The following PARD3B variants were observed in gnomAD, a reference collection of about 807,000 sequenced individuals.
PARD3B encodes par-3 family cell polarity regulator beta.
In PARD3B, 103 loss-of-function variants were observed where a neutral mutation model predicts 130.2. The ratio of observed to expected loss-of-function variants is 0.79; its 90% CI spans 0.67 to 0.93. The LOEUF (loss-of-function observed/expected upper bound fraction) is 0.93, where lower values mean the gene tolerates loss of function less well. Among genes scored for constraint, PARD3B ranks in the 40% least tolerant of loss-of-function variants. The probability of loss-of-function intolerance (pLI) is 0.00; values close to 1 mark genes in which losing one functional copy is unlikely to be tolerated. For synonymous variants in PARD3B, 583 were observed against 553.2 expected, an observed-to-expected ratio of 1.05 and a Z score of -0.76; for missense variants, 1,609 against 1,499.2, an observed-to-expected ratio of 1.07 and a Z score of -1.21.
intron 2 of PARD3B, among the ~76,000 whole-genome samples, chr2:204,854,420 A>C (rs2044836157): frequency 6.6e-6 from 1 of 152,164 alleles, no homozygotes. Flanking sequence ...TCTAGTTTGG[A>C]ATAAGAGGGG....
chr2:204,814,154 T>C (rs904931442), intron 2 of PARD3B, among the ~76,000 whole-genome samples: 2 of 152,024 alleles, frequency 1.3e-5, no homozygotes, highest in Non-Finnish European at 2.9e-5. Flanking sequence ...ATCTCATGTT[T>C]TTAGTGTATA....
At chr2:205,083,844 T>C (rs921205656) in intron 4 of PARD3B, among the ~76,000 whole-genome samples, 3 of 151,964 alleles carry the variant, frequency 2.0e-5, no homozygotes, top group Non-Finnish European at 4.4e-5. Context: ...AACCTCCATG[T>C]ACCCATCAGC....
At chr2:204,698,391 T>G (rs2037718476) in intron 2 of PARD3B, among the ~76,000 whole-genome samples, 1 of 152,144 alleles carries the variant, frequency 6.6e-6, no homozygotes, top group Non-Finnish European at 1.5e-5. Flanking sequence ...AATGAAAGAA[T>G]TACACATCTT....
chr2:205,056,884 AACAC>A (rs770319889), intron 4 of PARD3B, among the ~76,000 whole-genome samples: 8 of 147,258 alleles, frequency 5.4e-5, no homozygotes, highest in South Asian at 2.1e-4. Context: ...AAAGGACACA[AACAC>A]ACACACACAC....
chr2:205,484,593 T>C, intron 20 of PARD3B, among the ~76,000 whole-genome samples: 1 of 152,198 alleles, frequency 6.6e-6, no homozygotes, highest in East Asian at 1.9e-4. Context: ...ACCTCCTGTT[T>C]CTGCAGATAA....
chr2:204,572,408 G>A (rs2032051264), intron 1 of PARD3B, among the ~76,000 whole-genome samples: 1 of 151,978 alleles, frequency 6.6e-6, no homozygotes. Context: ...GGCTGGAGGG[G>A]CTCCATAGCC....
At chr2:204,867,127 C>T (rs1382359326) in intron 2 of PARD3B, among the ~76,000 whole-genome samples, 2 of 152,062 alleles carry the variant, frequency 1.3e-5, no homozygotes, top group Non-Finnish European at 2.9e-5. Context: ...ACAGTGCTTT[C>T]CTACCACTTG....
At chr2:204,871,556 G>C (rs2045630916) in intron 2 of PARD3B, among the ~76,000 whole-genome samples, 1 of 152,092 alleles carries the variant, frequency 6.6e-6, no homozygotes, top group East Asian at 1.9e-4. Flanking sequence ...AACTTGAAGT[G>C]CTAGAAAAGT....
intron 15 of PARD3B, among the ~76,000 whole-genome samples, chr2:205,235,037 G>T (rs2039002204): frequency 6.6e-6 from 1 of 152,156 alleles, no homozygotes; most frequent in Non-Finnish European, 1.5e-5. Context: ...AAGAAAAATT[G>T]TGAGATGTCA....
chr2:205,378,310 G>C (rs2045150950), intron 18 of PARD3B, among the ~76,000 whole-genome samples: 1 of 152,190 alleles, frequency 6.6e-6, no homozygotes, highest in African/African-American at 2.4e-5. Context: ...TGATCTCAGT[G>C]CCCTGAACAG....
intron 19 of PARD3B, among the ~76,000 whole-genome samples, chr2:205,433,978 T>C (rs1161264279): frequency 1.3e-5 from 2 of 152,228 alleles, no homozygotes; most frequent in African/African-American, 4.8e-5. Flanking sequence ...TCTTCGTGGA[T>C]TTTTGGTAAA....
chr2:204,927,623 G>A (rs1343374582), intron 2 of PARD3B, among the ~76,000 whole-genome samples: 3 of 151,978 alleles, frequency 2.0e-5, no homozygotes, highest in Admixed American at 2.0e-4. Context: ...TTAAACTCAT[G>A]TAGTAATGGT....
chr2:205,509,212 T>C (rs1473964857), intron 21 of PARD3B, among the ~76,000 whole-genome samples: 1 of 152,106 alleles, frequency 6.6e-6, no homozygotes, highest in African/African-American at 2.4e-5. Context: ...TAGGAATTGA[T>C]TTTTCCCATA....
intron 2 of PARD3B, among the ~76,000 whole-genome samples, chr2:204,853,505 C>G (rs1420579853): frequency 6.6e-6 from 1 of 152,136 alleles, no homozygotes; most frequent in Non-Finnish European, 1.5e-5. Flanking sequence ...TCTCCACTTT[C>G]ATTATACAGA....
intron 2 of PARD3B, among the ~76,000 whole-genome samples, chr2:204,827,271 T>A (rs1197575648): frequency 6.6e-6 from 1 of 151,982 alleles, no homozygotes; most frequent in African/African-American, 2.4e-5. Context: ...ATTTATAAGT[T>A]TTTGCAAATC....
At chr2:204,859,595 G>A (rs188704887) in intron 2 of PARD3B, among the ~76,000 whole-genome samples, 138 of 152,254 alleles carry the variant, frequency 9.1e-4, no homozygotes, top group Non-Finnish European at 1.4e-3. Context: ...CTTGATTCCT[G>A]ACATTCAGTT....
Position 204,836,491 on chromosome 2 carries a change from C to T in PARD3B, c.223-128661C>T, listed in dbSNP as rs972528662. The stretch of plus-strand genomic sequence containing the variant: ...CACCCTGGGCAACATGGCAAAACCC[C>T]GTCTCTACTAAAAATACAAAAATTA... On this transcript the variant is annotated intron_variant, in intron 2 of 22. Coordinates refer to ENST00000406610, the MANE Select transcript of PARD3B (RefSeq NM_001302769.2). Among the ~76,000 whole-genome samples, 15 of 151,886 alleles carry T rather than the reference C, an allele frequency of 9.9e-5. No individual in the cohort carries two copies. The East Asian group carries it at 1.7e-3, about 18-fold the overall frequency.
intron 2 of PARD3B, among the ~76,000 whole-genome samples, chr2:204,713,738 C>T (rs930971940): frequency 1.3e-5 from 2 of 152,076 alleles, no homozygotes; most frequent in African/African-American, 2.4e-5. Context: ...GGATTCTCCA[C>T]CCCCCTTTAT....
chr2:204,870,877 A>G (rs2045603957), intron 2 of PARD3B, among the ~76,000 whole-genome samples: 2 of 152,138 alleles, frequency 1.3e-5, no homozygotes, highest in South Asian at 4.1e-4. Context: ...TTGTTTTGAG[A>G]TCCTCAGCAA....
Sources: gnomAD v4.1 joint callset for allele counts (sites outside exome capture counted in the v4.1 genomes callset) on GRCh38, gnomAD v4.1.1 for gene constraint, MANE v1.5 for transcripts, NCBI Gene and HGNC (gene_info 2026-07-23, HGNC 2026-07-21) for gene names.